Variants in COASY observed in about 807,000 individuals in gnomAD.
COASY encodes Coenzyme A synthase.
In COASY, 31 loss-of-function variants were observed where a neutral mutation model predicts 49.4. That is an observed-to-expected ratio of 0.63 (90% CI 0.47 to 0.85). The LOEUF is 0.85. Ranked by LOEUF, COASY falls within the 40% of genes least tolerant of loss-of-function variation. The pLI is 0.00. For missense variants in COASY, 730 were observed against 734.1 expected (o/e 0.99, Z 0.06); for synonymous variants, 285 against 310.9 (o/e 0.92, Z 0.88).
At position 42,562,774 on chromosome 17, in the gene COASY, C is replaced by T; in HGVS notation, c.152C>T (p.Ala51Val). The change falls in exon 1 of 9, where the codon GCT (alanine) becomes GTT (valine). Residue 51 changes from alanine to valine, a missense_variant. Ala to Val is a moderately conservative substitution (Grantham distance 64). Transcript: ENST00000393818. ...LQPGMSLEGP[A>V]QPQSSPVQAT... ...CCGGGCATGAGCCTGGAGGGCCCGG[C>T]TCAGCCCCAGTCCAGCCCCGTGCAG... is the stretch of plus-strand genomic sequence containing the variant. 6.2e-7 allele frequency: 1 copy of T among 1,601,816 alleles called. No homozygotes were observed. Among genetic ancestry groups the T allele is most frequent in the Non-Finnish European group, 8.5e-7 (1 of 1,171,432 alleles).
Position 42,565,960 on chromosome 17 carries a change from C to T in COASY, c.1687C>T (p.Leu563Phe), listed in dbSNP as rs1015660801. 2.5e-6 allele frequency: 4 copies of T among 1,613,722 alleles called. No individual in the cohort carries two copies. The highest frequency in any genetic ancestry group is 2.7e-5 in the African/African-American group (2 of 74,922). The change falls in exon 9 of 9, where the codon CTC becomes TTC. Residue 563 changes from leucine to phenylalanine, a missense_variant. Coordinates refer to ENST00000393818, the MANE Select transcript of COASY (RefSeq NM_025233.7). ...GCGCATTCCCAAGACTCATCAGGCCCTCGACTGAAAAGTTCTCAGTGGGGC... is the reference window on the plus strand; with the variant it reads ...GCGCATTCCCAAGACTCATCAGGCCTTCGACTGAAAAGTTCTCAGTGGGGC... ...QKRIPKTHQA[L>F]D
At chr17:42,565,200 A>T in intron 5 of COASY, 27 bp from the exon 6 acceptor site, 2 of 1,612,418 alleles carry the variant, frequency 1.2e-6, no homozygotes, top group South Asian at 2.2e-5. Context: ...AGAGAAGGTA[A>T]CCTCTGCCCT....
rs753811198 is a variant in COASY at position 42,565,692 on chromosome 17, A to G, written c.1519A>G (p.Ser507Gly). 2 of 1,614,058 alleles carry G rather than the reference A, an allele frequency of 1.2e-6. No homozygotes were observed. Among genetic ancestry groups the G allele is most frequent in the Non-Finnish European group, 1.7e-6 (2 of 1,180,034 alleles). Residue 507 changes from serine (S) to glycine (G), a missense_variant, in exon 8 of 9, where the codon AGT becomes GGT. Ser to Gly is a moderately conservative substitution (Grantham distance 56). Coordinates refer to ENST00000393818, the MANE Select transcript of COASY (RefSeq NM_025233.7). The stretch of plus-strand genomic sequence containing the variant: ...ACGCATTGTGGAGAGGGATGGCCTC[A>G]GTGAAGCCGCGGCTCAAAGCCGGCT... ...VRRIVERDGL[S>G]EAAAQSRLQS...
rs773068932 is a variant in COASY, at chr17:42,566,010, G to A, written c.*42G>A. On this transcript the variant is annotated 3_prime_UTR_variant, in exon 9 of 9. Transcript: ENST00000393818. The stretch of plus-strand genomic sequence containing the variant: ...CCAGACTGGCTCCTGGAGCTGACAA[G>A]CGACCCCGTGGTGAGGAGAAATGGG... 9 of 1,605,790 alleles carry A rather than the reference G, an allele frequency of 5.6e-6. No individual in the cohort carries two copies. Among genetic ancestry groups the A allele is most frequent in the Middle Eastern group, 1.7e-4 (1 of 6,044 alleles).
At position 42,566,034 on chromosome 17, in the gene COASY, G is replaced by A. The variant is rs2093003271; in HGVS notation, c.*66G>A. 1 of 1,547,512 alleles carries A rather than the reference G, an allele frequency of 6.5e-7. No homozygotes were observed. The highest frequency in any genetic ancestry group is 1.4e-5 in the African/African-American group (1 of 73,666). On this transcript the variant is annotated 3_prime_UTR_variant, in exon 9 of 9. Transcript: ENST00000393818. ...AGCGACCCCGTGGTGAGGAGAAATG[G>A]GGGCCTTGATGCTCACCCTGGTTCA...
At position 42,565,923 on chromosome 17, in the gene COASY, C is replaced by T. The variant is rs1308211880; in HGVS notation, c.1650C>T (p.Ala550=). ...ITQRQVEKAW[A]LLQKRIPKTH... ...GTCTGAAGGTGGAGAAAGCCTGGGC[C>T]CTCTTGCAGAAGCGCATTCCCAAGA... Residue 550 remains alanine (A), a synonymous_variant, in exon 9 of 9, where the codon GCC becomes GCT. Transcript: ENST00000393818. The T allele has an allele frequency of 6.2e-7, 1 of 1,613,752 alleles. No individual in the cohort carries two copies. The highest frequency in any genetic ancestry group is 2.2e-5 in the East Asian group (1 of 44,888).
chr17:42,565,396 G>T, intron 6 of COASY, 75 bp from the exon 7 acceptor site: 1 of 1,606,764 alleles, frequency 6.2e-7, no homozygotes, highest in South Asian at 1.1e-5. Flanking sequence ...ACGTGGGACT[G>T]TCTGTTCACC....
Position 42,564,539 on chromosome 17 carries a change from C to T in COASY, c.1009C>T (p.Arg337Cys), listed in dbSNP as rs774485077. 15 of 1,612,846 alleles carry T rather than the reference C, an allele frequency of 9.3e-6. No individual in the cohort carries two copies. Among genetic ancestry groups the T allele is most frequent in the East Asian group, 6.7e-5 (3 of 44,856 alleles). The part of the protein sequence containing the change: ...EEDKVSSSSF[R>C]QRMLGNLLRP... ...GGACAAAGTCAGCTCCTCCAGCTTC[C>T]GCCAGCGAATGTTGGGGAACCTGCT... The change falls in exon 3 of 9, where the codon CGC (arginine) becomes TGC (cysteine). Residue 337 changes from arginine to cysteine, a missense_variant. Arg to Cys is a radical substitution (Grantham distance 180). Coordinates refer to ENST00000393818, the MANE Select transcript of COASY (RefSeq NM_025233.7).
chr17:42,563,492 C>G, intron 1 of COASY, 170 bp downstream of exon 1: 2 of 647,314 alleles, frequency 3.1e-6, no homozygotes, highest in South Asian at 4.0e-5. Flanking sequence ...AAATGAACAG[C>G]TTTCTCAGCA....
Position 42,564,828 on chromosome 17 carries a change from C to T in COASY, c.1167C>T (p.Asp389=). Residue 389 remains aspartate, a synonymous_variant, in exon 4 of 9, where the codon GAC becomes GAT. Coordinates refer to ENST00000393818, the MANE Select transcript of COASY (RefSeq NM_025233.7). The stretch of plus-strand genomic sequence containing the variant: ...TGGGGGCGTTTGTCATTGACAGTGA[C>T]CACCTGGGTCATCGGGCCTATGCCC... ...KGLGAFVIDS[D]HLGHRAYAPG... is the part of the protein sequence containing the mutation. 1 of 1,570,010 alleles carries T rather than the reference C, an allele frequency of 6.4e-7. No homozygotes were observed. The highest frequency in any genetic ancestry group is 8.6e-7 in the Non-Finnish European group (1 of 1,160,974).
intron 1 of COASY, 92 bp from the exon 2 acceptor site, chr17:42,563,869 G>A: frequency 1.0e-6 from 1 of 988,082 alleles, no homozygotes. Flanking sequence ...CCCCTCTGGG[G>A]ATACTGTACT....
rs1168312911 is a variant in COASY at position 42,565,495 on chromosome 17, C to G, written c.1412C>G (p.Ala471Gly). 1.2e-6 allele frequency: 2 copies of G among 1,614,186 alleles called. No individual in the cohort carries two copies. The highest frequency in any genetic ancestry group is 2.2e-5 in the South Asian group (2 of 91,084). The part of the protein sequence containing the change: ...AEGKRVCVID[A>G]AVLLEAGWQN... ...GGAAAGCGTGTGTGTGTGATTGATG[C>G]CGCTGTGTTGCTTGAAGCCGGCTGG... Residue 471 changes from alanine to glycine, a missense_variant, in exon 7 of 9, where the codon GCC becomes GGC. Physicochemically the swap from Ala to Gly is moderately conservative, Grantham distance 60. Coordinates refer to ENST00000393818, the MANE Select transcript of COASY (RefSeq NM_025233.7).
Position 42,566,277 on chromosome 17 carries a change from A to G in COASY, c.*309A>G. ...CAGAATTAAAGGTGAATGTTCTGAG[A>G]TGTTGCTTGTATGGTGTCTGCTTCC... On this transcript the variant is annotated 3_prime_UTR_variant, in exon 9 of 9. Coordinates refer to ENST00000393818, the MANE Select transcript of COASY (RefSeq NM_025233.7). The G allele has an allele frequency of 2.5e-6, 1 of 407,668 alleles. No individual in the cohort carries two copies. The highest frequency in any genetic ancestry group is 4.5e-6 in the Non-Finnish European group (1 of 219,846). 25.3% of individuals were successfully genotyped at this position (407,668 alleles called of 1,614,324 possible).
rs144898188 is a variant in COASY at position 42,564,576 on chromosome 17, A to G, written c.1046A>G (p.Tyr349Cys). The stretch of plus-strand genomic sequence containing the variant: ...TTGGGGAACCTGCTTCGGCCTCCAT[A>G]TGTAAGCTCCTCTCCCTCCTTCCCT... ...RMLGNLLRPP[Y>C]ERPELPTCLY... The change falls in exon 3 of 9, where the codon TAT (tyrosine) becomes TGT (cysteine). Residue 349 changes from tyrosine to cysteine, a missense_variant and splice_region_variant. Transcript: ENST00000393818. 111 of 1,610,506 alleles carry G rather than the reference A, an allele frequency of 6.9e-5. No homozygotes were observed. The East Asian group carries it at 1.6e-3, about 23-fold the overall frequency.
Position 42,563,234 on chromosome 17 carries a change from C to T in COASY, c.612C>T (p.His204=). The stretch of plus-strand genomic sequence containing the variant: ...TCGGTGGCACGTTTGACCGCCTGCA[C>T]AACGCCCACAAGGTGTTGCTCAGTG... The part of the protein sequence containing the change: ...GAVGGTFDRL[H]NAHKVLLSVA... Residue 204 remains histidine (H), a synonymous_variant, in exon 1 of 9, where the codon CAC becomes CAT. Coordinates refer to ENST00000393818, the MANE Select transcript of COASY (RefSeq NM_025233.7). The T allele has an allele frequency of 6.2e-7, 1 of 1,613,390 alleles. No individual in the cohort carries two copies. The highest frequency in any genetic ancestry group is 8.5e-7 in the Non-Finnish European group (1 of 1,180,012).
Position 42,564,059 on chromosome 17 carries a change from A to C in COASY, c.799A>C (p.Ile267Leu). 6.2e-7 allele frequency: 1 copy of C among 1,614,114 alleles called. No homozygotes were observed. The highest frequency in any genetic ancestry group is 8.5e-7 in the Non-Finnish European group (1 of 1,180,000). Residue 267 changes from isoleucine to leucine, a missense_variant, in exon 2 of 9, where the codon ATC becomes CTC. Ile to Leu is a conservative substitution (Grantham distance 5). Coordinates refer to ENST00000393818, the MANE Select transcript of COASY (RefSeq NM_025233.7). ...CAAGCCCTCCTTGACTTTTGATGTCATCCCCCTGCTGGACCCCTATGGGCC... is the reference window on the plus strand; with the variant it reads ...CAAGCCCTCCTTGACTTTTGATGTCCTCCCCCTGCTGGACCCCTATGGGCC... ...DIKPSLTFDV[I>L]PLLDPYGPAG...
At chr17:42,564,961 G>T in intron 4 of COASY, 22 bp from the exon 5 acceptor site, 1 of 1,614,190 alleles carries the variant, frequency 6.2e-7, no homozygotes, top group Non-Finnish European at 8.5e-7. Context: ...TCTGTGCTCA[G>T]TTGTCTGTCT....
At chr17:42,565,175 C>A in intron 5 of COASY, 52 bp from the exon 6 acceptor site, 1 of 1,603,202 alleles carries the variant, frequency 6.2e-7, no homozygotes, top group Non-Finnish European at 8.5e-7. Context: ...CTTGCTCGGG[C>A]TGGCTGCCTC....
In COASY at chr17:42,566,031, A is replaced by AC. The variant is rs1381031262; in HGVS notation, c.*63_*64insC. 4.5e-6 allele frequency: 7 copies of AC among 1,556,528 alleles called. No homozygotes were observed. The highest frequency in any genetic ancestry group is 6.2e-6 in the Non-Finnish European group (7 of 1,128,774). On this transcript the variant is annotated 3_prime_UTR_variant, in exon 9 of 9. Coordinates refer to ENST00000393818, the MANE Select transcript of COASY (RefSeq NM_025233.7). ...ACAAGCGACCCCGTGGTGAGGAGAA[A>AC]TGGGGGCCTTGATGCTCACCCTGGT...
Sources: gnomAD v4.1 joint callset for allele counts on GRCh38, gnomAD v4.1.1 for gene constraint, MANE v1.5 for transcripts, NCBI Gene and HGNC (gene_info 2026-07-23, HGNC 2026-07-21) for gene names.